Variants in FGF13 observed in about 807,000 individuals in gnomAD.
FGF13 encodes fibroblast growth factor homologous factor 2.
A neutral mutation model predicts 19.5 loss-of-function variants in FGF13; 2 were observed. The observed-to-expected ratio is 0.10, with a 90% CI of 0.04 to 0.32. The LOEUF (loss-of-function observed/expected upper bound fraction) is 0.32. Among genes scored for constraint, FGF13 ranks in the 10% least tolerant of loss-of-function variants. FGF13 has a pLI of 1.00. For synonymous variants in FGF13, 72 were observed against 76.9 expected (o/e 0.94, Z 0.33); for missense variants, 113 against 192.7 (o/e 0.59, Z 2.45).
At chrX:138,659,042 ATCT>A (rs759902014) in intron 3 of FGF13, among the ~76,000 whole-genome samples, 3 of 112,054 alleles carry the variant, frequency 2.7e-5, no homozygotes, top group African/African-American at 9.7e-5. Flanking sequence ...TTGAAAGTTG[ATCT>A]TCTTATCTCT....
At chrX:138,720,338 T>C (rs1265835745) in intron 1 of FGF13, among the ~76,000 whole-genome samples, 1 of 112,284 alleles carries the variant, frequency 8.9e-6, no homozygotes, top group Non-Finnish European at 1.9e-5. Flanking sequence ...TATTGTACTT[T>C]GTTTACTCTT....
intron 3 of FGF13, among the ~76,000 whole-genome samples, chrX:138,817,717 G>C (rs756046142): frequency 1.2e-4 from 14 of 112,047 alleles, no homozygotes; most frequent in Non-Finnish European, 2.3e-4. Flanking sequence ...TCAAGAAGAA[G>C]TAATCATATG....
intron 1 of FGF13, among the ~76,000 whole-genome samples, chrX:138,725,166 C>G (rs2090175834): frequency 9.0e-6 from 1 of 111,709 alleles, no homozygotes; most frequent in Admixed American, 9.5e-5. Context: ...AGAGAACCAT[C>G]TGGTCTGAAC....
rs10666140 is a variant in FGF13, at chrX:138,978,266, GT to G, written c.-112-113617del. Among the ~76,000 whole-genome samples the G allele has an allele frequency of 8.0e-4, 66 of 82,887 alleles. 1 individual carries two copies. Among genetic ancestry groups the G allele is most frequent in the South Asian group, 1.9e-3 (3 of 1,617 alleles). 72.0% of individuals were successfully genotyped at this position (82,887 alleles called of 115,157 possible). On this transcript the variant is annotated intron_variant, in intron 1 of 2. Transcript: ENST00000421460. Reference sequence around the variant, plus strand: ...TAATCTCTATGGGCTAGCTGCCCTGGTTTTTTTTTTTTTTGAGATGGAGTCT... The same window carrying G: ...TAATCTCTATGGGCTAGCTGCCCTGGTTTTTTTTTTTTTGAGATGGAGTCT...
At chrX:138,642,550 G>A (rs1046254170) in intron 3 of FGF13, among the ~76,000 whole-genome samples, 3 of 111,306 alleles carry the variant, frequency 2.7e-5, no homozygotes, top group Non-Finnish European at 5.6e-5. Context: ...CTGATAATAC[G>A]GGCCCAGAAA....
At chrX:138,696,494 A>C (rs1430180523) in intron 3 of FGF13, among the ~76,000 whole-genome samples, 2 of 112,101 alleles carry the variant, frequency 1.8e-5, no homozygotes, top group Admixed American at 9.5e-5. Context: ...TCTGTGAACT[A>C]TATCTCATTC....
intron 3 of FGF13, among the ~76,000 whole-genome samples, chrX:138,693,184 A>AT (rs993355062): frequency 3.6e-5 from 4 of 112,275 alleles, no homozygotes; most frequent in African/African-American, 1.3e-4. Flanking sequence ...ACTTACATTA[A>AT]TTGCAAAGAA....
chrX:139,199,597 TCTCC>T (rs2084399942), intron 1 of FGF13, among the ~76,000 whole-genome samples: 1 of 111,571 alleles, frequency 9.0e-6, no homozygotes, highest in Non-Finnish European at 1.9e-5. Context: ...ATTCAAATTC[TCTCC>T]CTGATTCCAA....
intron 3 of FGF13, among the ~76,000 whole-genome samples, chrX:138,840,871 A>C (rs1322397355): frequency 1.8e-5 from 2 of 111,629 alleles, no homozygotes; most frequent in Non-Finnish European, 3.8e-5. Context: ...CCACAAAATA[A>C]CACAAAGCAA....
chrX:138,946,986 G>C (rs1020060388), intron 1 of FGF13, among the ~76,000 whole-genome samples: 6 of 112,184 alleles, frequency 5.3e-5, no homozygotes, highest in African/African-American at 1.9e-4. Flanking sequence ...ACAAACAAGA[G>C]GTCGATTGCA....
intron 1 of FGF13, among the ~76,000 whole-genome samples, chrX:139,178,400 A>G (rs2084210037): frequency 8.9e-6 from 1 of 112,249 alleles, no homozygotes; most frequent in Non-Finnish European, 1.9e-5. Flanking sequence ...ATACTGCCAG[A>G]GGGAATTTGC....
At chrX:139,164,066 G>T (rs928592066) in intron 1 of FGF13, among the ~76,000 whole-genome samples, 1 of 106,789 alleles carries the variant, frequency 9.4e-6, no homozygotes, top group Non-Finnish European at 1.9e-5. Context: ...GGGCAGGCTT[G>T]CAGGCTGGAA....
upstream of FGF13, among the ~76,000 whole-genome samples, chrX:138,713,842 T>G (rs906271666): frequency 7.2e-5 from 8 of 111,562 alleles, no homozygotes; most frequent in Non-Finnish European, 1.5e-4. Context: ...TATTACAAAT[T>G]TGCAAACACA....
At chrX:139,182,497 G>A (rs937723416) in intron 1 of FGF13, among the ~76,000 whole-genome samples, 1 of 112,029 alleles carries the variant, frequency 8.9e-6, no homozygotes, top group Non-Finnish European at 1.9e-5. Flanking sequence ...AGTATTAAAC[G>A]TTCTGTAATA....
At chrX:138,798,322 T>G (rs766998802) in intron 3 of FGF13, among the ~76,000 whole-genome samples, 2 of 111,963 alleles carry the variant, frequency 1.8e-5, no homozygotes, top group Non-Finnish European at 3.8e-5. Context: ...AGATAAACCA[T>G]GAGGTTTTTG....
At chrX:139,046,958 A>G (rs1472515994) in intron 1 of FGF13, among the ~76,000 whole-genome samples, 3 of 111,731 alleles carry the variant, frequency 2.7e-5, no homozygotes, top group South Asian at 3.8e-4. Flanking sequence ...AAGAATTAAG[A>G]AAATAACTGG....
chrX:138,859,141 G>A (rs982805028), intron 2 of FGF13, among the ~76,000 whole-genome samples: 2 of 111,957 alleles, frequency 1.8e-5, no homozygotes, highest in African/African-American at 6.5e-5. Flanking sequence ...CTAGGAATGC[G>A]ACTATAACTT....
chrX:138,677,505 A>C (rs1157166501), intron 3 of FGF13, among the ~76,000 whole-genome samples: 1 of 111,847 alleles, frequency 8.9e-6, no homozygotes, highest in Non-Finnish European at 1.9e-5. Context: ...AACCCCATCA[A>C]AAAGTGGGCA....
intron 3 of FGF13, among the ~76,000 whole-genome samples, chrX:138,697,067 C>T (rs745742787): frequency 4.7e-4 from 52 of 111,458 alleles, no homozygotes; most frequent in Non-Finnish European, 5.3e-4. Flanking sequence ...TTTTAAAAAC[C>T]AAGCTAAATG....
Sources: gnomAD v4.1 joint callset for allele counts (sites outside exome capture counted in the v4.1 genomes callset) on GRCh38, gnomAD v4.1.1 for gene constraint, MANE v1.5 for transcripts, NCBI Gene and HGNC (gene_info 2026-07-23, HGNC 2026-07-21) for gene names.